The following CPLANE1 variants were observed in gnomAD, a reference collection of about 807,000 sequenced individuals.
CPLANE1 encodes the protein ciliogenesis and planar polarity effector 1.
In CPLANE1, 263 loss-of-function variants were observed where a neutral mutation model predicts 362.5. The observed-to-expected ratio is 0.73, with a 90% confidence interval of 0.66 to 0.80. The LOEUF (loss-of-function observed/expected upper bound fraction) is 0.80. Ranked by LOEUF, CPLANE1 falls within the 30% of genes least tolerant of loss-of-function variation. The probability of loss-of-function intolerance (pLI) is 0.00; values close to 1 mark genes in which losing one functional copy is unlikely to be tolerated. For missense variants in CPLANE1, 3,461 were observed against 3,793.4 expected, an observed-to-expected ratio of 0.91 and a Z score of 2.30; for synonymous variants, 1,212 against 1,302.6, an observed-to-expected ratio of 0.93 and a Z score of 1.50.
chr5:37,165,801 A>C, intron 35 of CPLANE1, 130 bp from the exon 36 acceptor site: 3 of 825,452 alleles, frequency 3.6e-6, no homozygotes, highest in Non-Finnish European at 5.5e-6. Context: ...ATTTAATTAA[A>C]TTGGCAAGAT....
intron 37 of CPLANE1, 68 bp from the exon 38 acceptor site, chr5:37,162,634 C>G: frequency 4.7e-6 from 5 of 1,071,280 alleles, no homozygotes; most frequent in Non-Finnish European, 7.0e-6. Flanking sequence ...CCCAGCAGCA[C>G]AGTACCTAAC....
chr5:37,104,311 C>G (rs986318071), downstream of CPLANE1, among the ~76,000 whole-genome samples: 1 of 152,132 alleles, frequency 6.6e-6, no homozygotes, highest in Non-Finnish European at 1.5e-5. Context: ...TCTAACTATG[C>G]TCCAGGATAG....
chr5:37,185,230 T>C (rs774302413), intron 24 of CPLANE1, 151 bp from the exon 25 acceptor site: 2 of 648,360 alleles, frequency 3.1e-6, no homozygotes, highest in South Asian at 2.4e-5. Flanking sequence ...TTTTCTTCAG[T>C]ATTTACTGGA....
intron 24 of CPLANE1, 56 bp from the exon 25 acceptor site, chr5:37,185,135 C>A (rs892070777): frequency 5.3e-6 from 8 of 1,500,436 alleles, no homozygotes; most frequent in African/African-American, 1.4e-5. Flanking sequence ...CAATTCAAGA[C>A]ATAGGAGACC....
chr5:37,140,614 T>A, intron 44 of CPLANE1: 2 of 985,376 alleles, frequency 2.0e-6, no homozygotes, highest in Non-Finnish European at 2.4e-6. Flanking sequence ...GCTGGCCTAT[T>A]CACGAAAAAA....
chr5:37,237,031 A>C (rs1211194224), intron 8 of CPLANE1, among the ~76,000 whole-genome samples: 1 of 152,210 alleles, frequency 6.6e-6, no homozygotes, highest in East Asian at 1.9e-4. Context: ...TATGGTATAG[A>C]GATTTCTCAA....
At chr5:37,217,338 G>A (rs1429382886) in intron 15 of CPLANE1, among the ~76,000 whole-genome samples, 1 of 152,050 alleles carries the variant, frequency 6.6e-6, no homozygotes, top group Non-Finnish European at 1.5e-5. Flanking sequence ...GGGTGCAGTG[G>A]CTCATGCCTG....
chr5:37,107,750 G>A lies in CPLANE1; in HGVS notation c.9608C>T (p.Pro3203Leu). ...ACCGCCCACCCCAAAAGGATGCTCT[G>A]GCTCTTCCTCTTCAGTTGGAGACAA... ...QDLSPTEEEE[P>L]EHPFGVGGVD... Residue 3203 changes from proline (P) to leucine (L), a missense_variant, in exon 53 of 53, where the codon CCA becomes CTA. Transcript: ENST00000651892. The A allele has an allele frequency of 6.2e-7, 1 of 1,611,022 alleles. No homozygotes were observed. Among genetic ancestry groups the A allele is most frequent in the Admixed American group, 1.7e-5 (1 of 59,660 alleles).
intron 21 of CPLANE1, among the ~76,000 whole-genome samples, chr5:37,192,839 G>A (rs1418972893): frequency 7.6e-6 from 1 of 132,138 alleles, no homozygotes; most frequent in Non-Finnish European, 1.6e-5. Context: ...CTGGGCAACA[G>A]AGCTAGACTC....
chr5:37,188,672 T>C (rs145631518), intron 21 of CPLANE1, among the ~76,000 whole-genome samples: 1,813 of 152,312 alleles, frequency 0.012, 33 homozygotes, highest in African/African-American at 0.041. Context: ...ACTGGGTATC[T>C]ACCCAGAGGA....
intron 41 of CPLANE1, among the ~76,000 whole-genome samples, chr5:37,156,364 G>A (rs114008655): frequency 0.012 from 1,806 of 152,280 alleles, 33 homozygotes; most frequent in African/African-American, 0.041. Flanking sequence ...AGTACTTTGG[G>A]AGGCTGAGGT....
At chr5:37,139,752 G>T in intron 44 of CPLANE1, 1 of 577,206 alleles carries the variant, frequency 1.7e-6, no homozygotes, top group Non-Finnish European at 2.2e-6. Flanking sequence ...GTCTTGCTAT[G>T]TTGCCCAGGT....
the CPLANE1 span, among the ~76,000 whole-genome samples, chr5:37,078,413 G>GTA: frequency 1.9e-3 from 290 of 152,226 alleles, no homozygotes; most frequent in African/African-American, 6.4e-3. Context: ...TTCATGGTGT[G>GTA]TATATATATG....
Position 37,198,794 on chromosome 5 carries a change from C to G in CPLANE1, c.3580G>C (p.Val1194Leu), listed in dbSNP as rs778969792. The change falls in exon 20 of 53, where the codon GTT (valine) becomes CTT (leucine). Residue 1194 changes from valine to leucine, a missense_variant. Val to Leu is a conservative substitution (Grantham distance 32). This residue lies in a region of CPLANE1 where 3,380 missense variants were observed against 3,666.1 expected (regional missense o/e 0.92). Transcript: ENST00000651892. ...RQKVSGILQR[V>L]LLLFRAAQCS... is the part of the protein sequence containing the mutation. ...TGAGCCGCCCGGAAAAGCAGGAGAA[C>G]ACGCTGAAGGATTCCAGATACCTTC... 2.5e-6 allele frequency: 4 copies of G among 1,614,122 alleles called. No homozygotes were observed. Among genetic ancestry groups the G allele is most frequent in the Non-Finnish European group, 3.4e-6 (4 of 1,180,014 alleles).
At position 37,218,303 on chromosome 5, in the gene CPLANE1, C is replaced by A. The variant is rs112148189; in HGVS notation, c.2746+3021G>T. Reference sequence around the variant, plus strand: ...GGCAGAAGGGGTTTATGTGACCAGCCCCCCAATTAAAAACCCTGAGCACTG... The same window carrying A: ...GGCAGAAGGGGTTTATGTGACCAGCACCCCAATTAAAAACCCTGAGCACTG... On this transcript the variant is annotated intron_variant, in intron 15 of 52. Coordinates refer to ENST00000651892, the MANE Select transcript of CPLANE1 (RefSeq NM_001384732.1). Among the ~76,000 whole-genome samples the A allele has an allele frequency of 2.9e-3, 434 of 152,144 alleles. 2 individuals carry two copies. Among genetic ancestry groups the A allele is most frequent in the Admixed American group, 7.9e-3 (121 of 15,280 alleles).
At chr5:37,177,815 CAAGT>C (rs1781604250) in intron 29 of CPLANE1, 115 bp from the exon 30 acceptor site, 1 of 761,720 alleles carries the variant, frequency 1.3e-6, no homozygotes, top group Non-Finnish European at 2.2e-6. Context: ...AGTCTACAAG[CAAGT>C]GAGAAATCAA....
At position 37,241,381 on chromosome 5, in the gene CPLANE1, G is replaced by A. The variant is rs151297677; in HGVS notation, c.678-1512C>T. Among the ~76,000 whole-genome samples, 250 of 152,164 alleles carry A rather than the reference G, an allele frequency of 1.6e-3. 1 individual carries two copies. The highest frequency in any genetic ancestry group is 5.7e-3 in the African/African-American group (236 of 41,522). ...GAGACAGGAGAATCGCTTGAACCTG[G>A]GAGGCAGAAGTTGCAGTGAGCCAAG... On this transcript the variant is annotated intron_variant, in intron 6 of 52. Transcript: ENST00000651892.
chr5:37,192,183 G>C (rs1785729391), intron 21 of CPLANE1, among the ~76,000 whole-genome samples: 1 of 152,142 alleles, frequency 6.6e-6, no homozygotes. Flanking sequence ...ACTGCCTACA[G>C]TATTCAGTGT....
chr5:37,125,932 T>C (rs184450249), intron 46 of CPLANE1, among the ~76,000 whole-genome samples: 1 of 152,286 alleles, frequency 6.6e-6, no homozygotes, highest in East Asian at 1.9e-4. Context: ...ACTATCTCTA[T>C]CACTTTCAAA....
Sources: allele counts gnomAD v4.1 joint callset (sites outside exome capture counted in the v4.1 genomes callset), GRCh38; gene constraint gnomAD v4.1.1; regional missense constraint gnomAD v4.1.1; transcripts MANE v1.5; gene names NCBI Gene and HGNC (gene_info 2026-07-23, HGNC 2026-07-21).